The following ELP2 variants were observed in gnomAD, a reference collection of about 807,000 sequenced individuals.
ELP2 encodes elongator acetyltransferase complex subunit 2.
ELP2 carries 90 observed loss-of-function variants against 119.2 expected under a neutral mutation model. The observed-to-expected ratio is 0.75, with a 90% confidence interval of 0.64 to 0.90. The LOEUF is 0.90. Ranked by LOEUF, ELP2 falls within the 40% of genes least tolerant of loss-of-function variation. The pLI, the probability that ELP2 is intolerant of heterozygous loss-of-function variation, is 0.00. For synonymous variants in ELP2, 339 were observed against 331.0 expected (o/e 1.02, Z -0.26); for missense variants, 921 against 967.8 (o/e 0.95, Z 0.64).
intron 8 of ELP2, among the ~76,000 whole-genome samples, 153 bp downstream of exon 8, chr18:36,143,119 A>T (rs1014696711): frequency 6.6e-5 from 10 of 150,398 alleles, no homozygotes; most frequent in African/African-American, 2.4e-4. Context: ...TTTTTGAGAC[A>T]GAGTTTTGCT....
At chr18:36,167,549 G>A (rs2090944249) in intron 19 of ELP2, among the ~76,000 whole-genome samples, 2 of 151,878 alleles carry the variant, frequency 1.3e-5, no homozygotes, top group Non-Finnish European at 2.9e-5. Flanking sequence ...GGGGAATAAG[G>A]GAAAAACTAT....
Position 36,170,342 on chromosome 18 carries a change from C to T in ELP2, c.2210+146C>T, listed in dbSNP as rs577387599. ...TTTTTTTTGTTTTGAGATGGAGTCT[C>T]ACTCTGTCGCCCAGGCTGGAATGCA... On this transcript the variant is annotated intron_variant, in intron 20 of 21. Transcript: ENST00000358232. The T allele has an allele frequency of 3.0e-4, 291 of 975,576 alleles. 6 individuals carry two copies. In the South Asian group the frequency reaches 4.5e-3, roughly 15 times the overall value. 60.4% of individuals were successfully genotyped at this position (975,576 alleles called of 1,614,324 possible). A position where few individuals can be genotyped will look rare whatever the true frequency, so the allele number is the denominator to read the frequency against.
chr18:36,146,993 A>G (rs2090227823), intron 11 of ELP2, among the ~76,000 whole-genome samples: 1 of 152,014 alleles, frequency 6.6e-6, no homozygotes, highest in Non-Finnish European at 1.5e-5. Context: ...CCTTGGAGCT[A>G]GACAGCCTGG....
chr18:36,156,843 G>T (rs558758396), intron 13 of ELP2, among the ~76,000 whole-genome samples, 189 bp downstream of exon 13: 2 of 152,172 alleles, frequency 1.3e-5, no homozygotes, highest in East Asian at 3.8e-4. Context: ...TAGAAATTTT[G>T]TGTAGCAAAT....
Position 36,175,153 on chromosome 18 carries a change from C to T in ELP2, c.*512C>T, listed in dbSNP as rs1192210258. On this transcript the variant is annotated 3_prime_UTR_variant, in exon 22 of 22. Transcript: ENST00000358232. ...TTCAGAGATTCCTAGACCTGCAGAC[C>T]TGCCTCTGTGTGTCCCAATTTAAGA... 6.5e-6 allele frequency: 1 copy of T among 153,184 alleles called. No individual in the cohort carries two copies. The highest frequency in any genetic ancestry group is 1.5e-5 in the Non-Finnish European group (1 of 68,730). 9.5% of individuals were successfully genotyped at this position (153,184 alleles called of 1,614,324 possible). A position where few individuals can be genotyped will look rare whatever the true frequency, so the allele number is the denominator to read the frequency against.
rs57135329 is a variant in ELP2 at position 36,133,897 on chromosome 18, G to GTTTTTTTTTT, written c.217+602_217+611dup. ...ACCACGCCTTTCTAGTTTTTTAGGG[G>GTTTTTTTTTT]TTTTTTTTTTTTTTTTTTTTTTTTT... On this transcript the variant is annotated intron_variant, in intron 2 of 21. Coordinates refer to ENST00000358232, the MANE Select transcript of ELP2 (RefSeq NM_018255.4). Among the ~76,000 whole-genome samples, 5 of 60,804 alleles carry GTTTTTTTTTT rather than the reference G, an allele frequency of 8.2e-5. 1 individual carries two copies. Among genetic ancestry groups the GTTTTTTTTTT allele is most frequent in the African/African-American group, 2.9e-4 (4 of 13,786 alleles). The allele number at this position is 60,804 out of a possible 152,430, so 39.9% of individuals were successfully genotyped here. A position where few individuals can be genotyped will look rare whatever the true frequency, so the allele number is the denominator to read the frequency against.
At chr18:36,140,541 T>A (rs1452244794) in intron 5 of ELP2, among the ~76,000 whole-genome samples, 1 of 151,938 alleles carries the variant, frequency 6.6e-6, no homozygotes, top group African/African-American at 2.4e-5. Flanking sequence ...GAGACAAGGT[T>A]TTGTCATGTT....
chr18:36,158,953 C>A, intron 14 of ELP2, 49 bp downstream of exon 14: 1 of 1,250,704 alleles, frequency 8.0e-7, no homozygotes, highest in Non-Finnish European at 1.2e-6. Context: ...GTACTTAAAC[C>A]CCAGTCATAC....
intron 11 of ELP2, among the ~76,000 whole-genome samples, chr18:36,153,282 A>G (rs1346048255): frequency 6.6e-6 from 1 of 152,186 alleles, no homozygotes; most frequent in East Asian, 1.9e-4. Flanking sequence ...ACTGATCTCA[A>G]CACAGCTGCA....
At chr18:36,153,672 G>A (rs924295496) in intron 11 of ELP2, among the ~76,000 whole-genome samples, 6 of 152,056 alleles carry the variant, frequency 3.9e-5, no homozygotes, top group African/African-American at 1.5e-4. Context: ...GGATTCCCTC[G>A]ACCCCCTCTT....
Position 36,138,829 on chromosome 18 carries a change from A to T in ELP2, c.480A>T (p.Gly160=), listed in dbSNP as rs1374846410. Residue 160 remains glycine, a synonymous_variant, in exon 5 of 22, where the codon GGA becomes GGT. Transcript: ENST00000358232. ...MCLQTLNFGN[G]FALALCLSFL... ...TTCAGACTTTAAACTTTGGAAATGGATTTGCTTTGGCTCTCTGCTTATCTT... is the reference window on the plus strand; with the variant it reads ...TTCAGACTTTAAACTTTGGAAATGGTTTTGCTTTGGCTCTCTGCTTATCTT... 6.2e-7 allele frequency: 1 copy of T among 1,613,770 alleles called. No individual in the cohort carries two copies. Among genetic ancestry groups the T allele is most frequent in the Non-Finnish European group, 8.5e-7 (1 of 1,179,918 alleles).
chr18:36,161,942 T>C (rs2090754962), intron 17 of ELP2, among the ~76,000 whole-genome samples: 1 of 152,248 alleles, frequency 6.6e-6, no homozygotes, highest in South Asian at 2.1e-4. Context: ...AGCAGATAAT[T>C]TGTTTCTAAC....
intron 11 of ELP2, among the ~76,000 whole-genome samples, chr18:36,152,698 T>G (rs1258865627): frequency 6.6e-6 from 1 of 152,224 alleles, no homozygotes; most frequent in Non-Finnish European, 1.5e-5. Flanking sequence ...AGGAATAATC[T>G]CCCGTGTGTC....
intron 5 of ELP2, chr18:36,139,434 G>T: frequency 2.6e-6 from 4 of 1,535,534 alleles, no homozygotes; most frequent in Non-Finnish European, 3.5e-6. Context: ...TGGAAGACTG[G>T]CCAGGTGGAA....
In ELP2 at chr18:36,146,364, CAG is replaced by C; in HGVS notation, c.1110_1111del (p.Asn371TyrfsTer3). On this transcript the variant is annotated frameshift_variant, in exon 11 of 22. Transcript: ENST00000358232. LOFTEE classifies it high-confidence loss of function. Reference protein sequence around the residue: ...AFHGALHLWKQNTVNPREWTP... With the variant: ...AFHGALHLWKXNTVNPREWTP... ...CCACGGAGCGTTGCACCTTTGGAAA[CAG>C]AATACAGTTAACCCAGTAAGAAAAG... 2 of 1,613,992 alleles carry C rather than the reference CAG, an allele frequency of 1.2e-6. No individual in the cohort carries two copies. The highest frequency in any genetic ancestry group is 1.7e-6 in the Non-Finnish European group (2 of 1,179,892).
intron 6 of ELP2, chr18:36,141,423 G>A (rs1324185273): frequency 1.8e-6 from 1 of 545,566 alleles, no homozygotes; most frequent in East Asian, 3.3e-5. Context: ...GGGGAAACAG[G>A]TCATTAGGTG....
intron 7 of ELP2, 53 bp from the exon 8 acceptor site, chr18:36,142,773 A>G (rs112200804): frequency 8.6e-6 from 11 of 1,279,062 alleles, no homozygotes; most frequent in African/African-American, 1.5e-5. Flanking sequence ...AGTCTTATAC[A>G]TAAACTTCAC....
At chr18:36,170,290 C>CT in intron 20 of ELP2, 94 bp downstream of exon 20, 8 of 1,435,682 alleles carry the variant, frequency 5.6e-6, no homozygotes, top group Non-Finnish European at 7.7e-6. Flanking sequence ...CTCCTAGCCT[C>CT]TGAGTTACTG....
chr18:36,134,683 C>G (rs566373971), intron 2 of ELP2, among the ~76,000 whole-genome samples: 2 of 152,078 alleles, frequency 1.3e-5, no homozygotes, highest in Non-Finnish European at 2.9e-5. Flanking sequence ...AATTCTAAGA[C>G]CAAAAGTTAT....
Sources: allele counts gnomAD v4.1 joint callset (sites outside exome capture counted in the v4.1 genomes callset), GRCh38; gene constraint gnomAD v4.1.1; transcripts MANE v1.5; gene names NCBI Gene and HGNC (gene_info 2026-07-23, HGNC 2026-07-21).